Variants in SNAP91 observed in about 807,000 individuals in gnomAD.
SNAP91 encodes the protein synaptosome associated protein 91, also known as clathrin coat assembly protein AP180.
A neutral mutation model predicts 100.3 loss-of-function variants in SNAP91; 27 were observed. That is an observed-to-expected ratio of 0.27 (90% CI 0.20 to 0.37). The LOEUF (loss-of-function observed/expected upper bound fraction) is 0.37, where lower values mean the gene tolerates loss of function less well. Ranked by LOEUF, SNAP91 falls within the 10% of genes least tolerant of loss-of-function variation. The pLI, the probability that SNAP91 is intolerant of heterozygous loss-of-function variation, is 1.00. For missense variants in SNAP91, 986 were observed against 1,123.7 expected (o/e 0.88, Z 1.75); for synonymous variants, 404 against 398.6 (o/e 1.01, Z -0.16).
In SNAP91 at chr6:83,650,298, T is replaced by C. The variant is rs901510748; in HGVS notation, c.658+6456A>G. Among the ~76,000 whole-genome samples the C allele has an allele frequency of 2.6e-5, 4 of 152,338 alleles. 1 individual carries two copies. Among genetic ancestry groups the C allele is most frequent in the African/African-American group, 7.2e-5 (3 of 41,572 alleles). ...TAAGACATTAGCTAATTTACCTCAG[T>C]TGTTTTATGAATATTGAAGCAGAAG... On this transcript the variant is annotated intron_variant, in intron 7 of 29. Transcript: ENST00000369694.
chr6:83,568,797 C>T (rs1023188836), intron 26 of SNAP91, among the ~76,000 whole-genome samples: 1 of 152,150 alleles, frequency 6.6e-6, no homozygotes, highest in African/African-American at 2.4e-5. Context: ...CCCAAATCTG[C>T]ATCCTTCATC....
intron 24 of SNAP91, among the ~76,000 whole-genome samples, chr6:83,577,300 G>A (rs1039964460): frequency 6.6e-6 from 1 of 151,252 alleles, no homozygotes; most frequent in Non-Finnish European, 1.5e-5. Context: ...AACAGAATAA[G>A]GTATATATTA....
At chr6:83,585,540 A>AC (rs1223468185) in intron 22 of SNAP91, among the ~76,000 whole-genome samples, 1 of 77,568 alleles carries the variant, frequency 1.3e-5, no homozygotes, top group South Asian at 5.5e-4. Context: ...TAAAAAAAAA[A>AC]AAAAAAGAAA....
chr6:83,695,926 G>T (rs1308823452), intron 2 of SNAP91, among the ~76,000 whole-genome samples: 1 of 133,442 alleles, frequency 7.5e-6, no homozygotes, highest in African/African-American at 2.7e-5. Flanking sequence ...ACAATAATGA[G>T]AATTATTGTG....
intron 21 of SNAP91, 143 bp downstream of exon 21, chr6:83,592,312 G>T: frequency 1.9e-6 from 1 of 521,862 alleles, no homozygotes. Flanking sequence ...AAATGAAAAT[G>T]ATCTTAAAAA....
intron 11 of SNAP91, among the ~76,000 whole-genome samples, chr6:83,612,500 TTTAAA>T (rs1213185093): frequency 6.6e-6 from 1 of 152,216 alleles, no homozygotes; most frequent in African/African-American, 2.4e-5. Context: ...AATGAATTAA[TTTAAA>T]TTAATTTGTT....
chr6:83,578,574 T>C lies in SNAP91; in HGVS notation c.2299+1876A>G, dbSNP rs535927701. 9.1e-4 allele frequency among the ~76,000 whole-genome samples: 138 copies of C among 152,290 alleles called. 1 individual carries two copies. The highest frequency in any genetic ancestry group is 3.4e-3 in the Middle Eastern group (1 of 294). On this transcript the variant is annotated intron_variant, in intron 24 of 29. Transcript: ENST00000369694. ...AATAAATTATTTGCCATTTTAAAAATTGCATTATTTGTGTTTTCATTATTG... is the reference window on the plus strand; with the variant it reads ...AATAAATTATTTGCCATTTTAAAAACTGCATTATTTGTGTTTTCATTATTG...
chr6:83,607,854 C>T (rs2095734315), intron 12 of SNAP91, 46 bp from the exon 13 acceptor site: 4 of 1,193,844 alleles, frequency 3.4e-6, no homozygotes, highest in African/African-American at 1.5e-5. Flanking sequence ...TATGAATCTA[C>T]AGGACACAGG....
intron 8 of SNAP91, among the ~76,000 whole-genome samples, chr6:83,637,640 G>A (rs1383460608): frequency 6.6e-6 from 1 of 152,200 alleles, no homozygotes; most frequent in African/African-American, 2.4e-5. Context: ...GATGTGGGCT[G>A]CAGGGCTCCC....
intron 12 of SNAP91, among the ~76,000 whole-genome samples, chr6:83,608,239 T>C (rs3778195): frequency 0.061 from 9,299 of 152,238 alleles, 288 homozygotes; most frequent in Middle Eastern, 0.085. Flanking sequence ...TCCTCTCAGA[T>C]GACCTTCAAA....
At chr6:83,699,953 C>T (rs2099270487) in intron 2 of SNAP91, among the ~76,000 whole-genome samples, 1 of 152,198 alleles carries the variant, frequency 6.6e-6, no homozygotes, top group South Asian at 2.1e-4. Context: ...GGATATAGTT[C>T]AAGAAAATCT....
chr6:83,661,925 C>T (rs1361676576), intron 4 of SNAP91, among the ~76,000 whole-genome samples: 1 of 152,154 alleles, frequency 6.6e-6, no homozygotes, highest in Non-Finnish European at 1.5e-5. Flanking sequence ...GTTCCATTTG[C>T]TTGATGTGCT....
At chr6:83,687,970 C>T (rs934844783) in intron 2 of SNAP91, among the ~76,000 whole-genome samples, 11 of 151,950 alleles carry the variant, frequency 7.2e-5, no homozygotes, top group South Asian at 4.2e-4. Context: ...GGTTGAGGGA[C>T]GTGGAAGACA....
intron 2 of SNAP91, among the ~76,000 whole-genome samples, chr6:83,702,801 G>GAA (rs61124889): frequency 6.6e-6 from 1 of 151,242 alleles, no homozygotes; most frequent in African/African-American, 2.4e-5. Context: ...AAAAGATCTG[G>GAA]AAAAAAAACC....
chr6:83,593,726 G>T lies in SNAP91; in HGVS notation c.1448C>A (p.Ser483Tyr). The T allele has an allele frequency of 6.3e-7, 1 of 1,586,548 alleles. No individual in the cohort carries two copies. Reference protein sequence around the residue: ...ACSGNDPFAPSEGSAEAAPEL... With the variant: ...ACSGNDPFAPYEGSAEAAPEL... The stretch of plus-strand genomic sequence containing the variant: ...AGGTGCAGCCTCTGCACTACCTTCA[G>T]ACGGGGCAAAGGGGTCTTTTGGAAA... The change falls in exon 18 of 30, where the codon TCT becomes TAT. Residue 483 changes from serine (S) to tyrosine (Y), a missense_variant. This residue lies in a region of SNAP91 where 575 missense variants were observed against 579.9 expected (regional missense o/e 0.99). Transcript: ENST00000369694.
intron 2 of SNAP91, among the ~76,000 whole-genome samples, chr6:83,702,674 A>G (rs555753620): frequency 7.8e-4 from 119 of 152,260 alleles, no homozygotes; most frequent in African/African-American, 2.7e-3. Flanking sequence ...TTTTATTCTA[A>G]GAAAGTATCT....
chr6:83,680,636 G>C (rs533422851), intron 2 of SNAP91, among the ~76,000 whole-genome samples: 7 of 152,192 alleles, frequency 4.6e-5, no homozygotes, highest in African/African-American at 1.7e-4. Flanking sequence ...GTATTTTCTT[G>C]AGTTCTCTAG....
chr6:83,602,695 T>C (rs1469634659), intron 14 of SNAP91, among the ~76,000 whole-genome samples: 1 of 152,190 alleles, frequency 6.6e-6, no homozygotes, highest in East Asian at 1.9e-4. Flanking sequence ...ATTTCTTTAT[T>C]AGCATTTCCC....
At chr6:83,571,834 C>T (rs1808366279) in intron 26 of SNAP91, among the ~76,000 whole-genome samples, 1 of 152,074 alleles carries the variant, frequency 6.6e-6, no homozygotes, top group Non-Finnish European at 1.5e-5. Flanking sequence ...TCTTGAATTC[C>T]CATGTGTTGT....
Sources: gnomAD v4.1 joint callset for allele counts (sites outside exome capture counted in the v4.1 genomes callset) on GRCh38, gnomAD v4.1.1 for gene constraint, gnomAD v4.1.1 regional missense constraint, MANE v1.5 for transcripts, NCBI Gene and HGNC (gene_info 2026-07-23, HGNC 2026-07-21) for gene names.